Variants in DOCK7 observed in about 807,000 individuals in gnomAD.
DOCK7 encodes dedicator of cytokinesis protein 7.
DOCK7 carries 138 observed loss-of-function variants against 271.0 expected under a neutral mutation model. The observed-to-expected ratio is 0.51, with a 90% confidence interval of 0.44 to 0.59. DOCK7 has a LOEUF of 0.59. Among genes scored for constraint, DOCK7 ranks in the 20% least tolerant of loss-of-function variants. The pLI is 0.00. For synonymous variants in DOCK7, 823 were observed against 876.1 expected (o/e 0.94, Z 1.07); for missense variants, 2,066 against 2,592.4 (o/e 0.80, Z 4.41).
intron 19 of DOCK7, among the ~76,000 whole-genome samples, chr1:62,560,678 T>C (rs1244965419): frequency 4.6e-5 from 7 of 152,180 alleles, no homozygotes; most frequent in Admixed American, 2.6e-4. Flanking sequence ...GTCCTTAGAC[T>C]ACTGTAACTC....
chr1:62,474,186 G>T, intron 47 of DOCK7, 98 bp from the exon 48 acceptor site: 1 of 955,684 alleles, frequency 1.0e-6, no homozygotes, highest in Non-Finnish European at 1.6e-6. Flanking sequence ...TGAGATGGCT[G>T]CATTTAAGCT....
chr1:62,641,773 TACAA>T (rs1355921864), intron 7 of DOCK7: 4 of 304,782 alleles, frequency 1.3e-5, no homozygotes, highest in Middle Eastern at 1.2e-3. Flanking sequence ...CACATTTGCT[TACAA>T]ACAATTATAG....
chr1:62,543,551 G>C, intron 24 of DOCK7, 105 bp downstream of exon 24: 1 of 753,532 alleles, frequency 1.3e-6, no homozygotes, highest in Non-Finnish European at 2.1e-6. Flanking sequence ...TAAGCACAAT[G>C]CAATTACTGT....
At chr1:62,579,005 T>G (rs780545349) in intron 16 of DOCK7, 39 bp from the exon 17 acceptor site, 5 of 1,497,870 alleles carry the variant, frequency 3.3e-6, no homozygotes, top group African/African-American at 2.9e-5. Flanking sequence ...AGTCAGTAAT[T>G]TGTCCAAAAT....
chr1:62,631,935 A>C (rs982734402), intron 10 of DOCK7, among the ~76,000 whole-genome samples: 11 of 152,228 alleles, frequency 7.2e-5, no homozygotes, highest in African/African-American at 1.7e-4. Flanking sequence ...AAGTAGAAGA[A>C]GACTAAACGC....
intron 35 of DOCK7, 88 bp downstream of exon 35, chr1:62,507,874 G>A (rs1646988235): frequency 8.5e-7 from 1 of 1,175,264 alleles, no homozygotes; most frequent in African/African-American, 1.6e-5. Flanking sequence ...TTAATAAAAT[G>A]TAATTTTATG....
At chr1:62,653,225 A>T (rs1038051441) in intron 4 of DOCK7, among the ~76,000 whole-genome samples, 1 of 152,190 alleles carries the variant, frequency 6.6e-6, no homozygotes, top group African/African-American at 2.4e-5. Flanking sequence ...TTAGGAAAAT[A>T]AATTTTGGCT....
chr1:62,520,707 G>A (rs147380500), intron 31 of DOCK7, among the ~76,000 whole-genome samples: 111 of 152,216 alleles, frequency 7.3e-4, no homozygotes, highest in Non-Finnish European at 1.3e-3. Context: ...ATTCCTGAAG[G>A]ATCTAGAACT....
At chr1:62,649,868 C>A (rs1657121946) in intron 4 of DOCK7, among the ~76,000 whole-genome samples, 1 of 152,168 alleles carries the variant, frequency 6.6e-6, no homozygotes, top group African/African-American at 2.4e-5. Context: ...TGCCTAATAA[C>A]ATTCTTCCCC....
intron 37 of DOCK7, among the ~76,000 whole-genome samples, chr1:62,502,164 TA>T (rs1646802544): frequency 6.6e-6 from 1 of 152,130 alleles, no homozygotes; most frequent in Admixed American, 6.5e-5. Flanking sequence ...ATGACATGAT[TA>T]AAAATGGGTT....
At chr1:62,469,073 C>T (rs1645757238) in intron 48 of DOCK7, among the ~76,000 whole-genome samples, 1 of 152,096 alleles carries the variant, frequency 6.6e-6, no homozygotes. Flanking sequence ...AAAAACAATC[C>T]TAAAATTCAC....
chr1:62,530,710 G>T, intron 29 of DOCK7: 1 of 155,256 alleles, frequency 6.4e-6, no homozygotes. Flanking sequence ...TGCTTTGCCC[G>T]TGAGGTGGCA....
At chr1:62,468,159 G>A (rs1173620886) in intron 48 of DOCK7, among the ~76,000 whole-genome samples, 1 of 151,888 alleles carries the variant, frequency 6.6e-6, no homozygotes, top group Non-Finnish European at 1.5e-5. Context: ...TCGGGAGTTC[G>A]AGACCAGCCT....
At chr1:62,509,914 C>CCA (rs1644432705) in intron 34 of DOCK7, among the ~76,000 whole-genome samples, 1 of 152,192 alleles carries the variant, frequency 6.6e-6, no homozygotes, top group Non-Finnish European at 1.5e-5. Context: ...ACAATCAGTG[C>CCA]TATAACTGGG....
chr1:62,605,150 G>C (rs781138004), intron 14 of DOCK7: 10 of 231,214 alleles, frequency 4.3e-5, no homozygotes, highest in Non-Finnish European at 8.6e-5. Context: ...ATTTTAAAAG[G>C]CATCATATGA....
chr1:62,478,832 C>T (rs1343461811), intron 43 of DOCK7: 5 of 151,964 alleles, frequency 3.3e-5, no homozygotes, highest in Non-Finnish European at 7.4e-5. Context: ...TCTAAATCAC[C>T]CAAACCACCC....
chr1:62,513,340 C>G, intron 33 of DOCK7, 104 bp downstream of exon 33: 1 of 994,124 alleles, frequency 1.0e-6, no homozygotes, highest in Non-Finnish European at 1.3e-6. Flanking sequence ...AGTTAATTCA[C>G]AGTTACACTT....
Position 62,559,072 on chromosome 1 carries a change from T to C in DOCK7, c.2348A>G (p.Glu783Gly), listed in dbSNP as rs1001866564. 3 of 1,613,808 alleles carry C rather than the reference T, an allele frequency of 1.9e-6. No individual in the cohort carries two copies. In the African/African-American group the frequency reaches 4.0e-5, roughly 22 times the overall value. ...AAGATGAAGAAATCGGACCACTGGT[T>C]CCAGCTGGGATGAATTCAGTGCTGA... ...SISALNSSQLEPVVRFLHLLL... is the reference protein window; with the variant it reads ...SISALNSSQLGPVVRFLHLLL... Residue 783 changes from glutamate to glycine, a missense_variant, in exon 20 of 50, where the codon GAA becomes GGA. Around this residue, in one of 2 missense-constraint regions of DOCK7, gnomAD observed 1,414 missense variants for 1,670.4 expected, o/e 0.85. Transcript: ENST00000635253.
At chr1:62,587,541 A>T (rs1447335602) in intron 14 of DOCK7, among the ~76,000 whole-genome samples, 4 of 152,160 alleles carry the variant, frequency 2.6e-5, no homozygotes, top group African/African-American at 9.7e-5. Flanking sequence ...TGTGCAAATG[A>T]TTGTGTTCAA....
Sources: allele counts gnomAD v4.1 joint callset (sites outside exome capture counted in the v4.1 genomes callset), GRCh38; gene constraint gnomAD v4.1.1; regional missense constraint gnomAD v4.1.1; transcripts MANE v1.5; gene names NCBI Gene and HGNC (gene_info 2026-07-23, HGNC 2026-07-21).